The following NCAPH2 variants were observed in gnomAD, a reference collection of about 807,000 sequenced individuals.
The protein encoded by NCAPH2 is condensin-2 complex subunit H2.
In NCAPH2, 56 loss-of-function variants were observed where a neutral mutation model predicts 88.6. The ratio of observed to expected loss-of-function variants is 0.63; its 90% CI spans 0.51 to 0.79. NCAPH2 has a LOEUF of 0.79. NCAPH2 is among the 30% of genes least tolerant of loss of function. The probability of loss-of-function intolerance (pLI) is 0.00; values close to 1 mark genes in which losing one functional copy is unlikely to be tolerated. For missense variants in NCAPH2, 794 were observed against 792.0 expected (o/e 1.00, Z -0.03); for synonymous variants, 378 against 313.6 (o/e 1.21, Z -2.17).
In NCAPH2 at chr22:50,508,310, T is replaced by G; in HGVS notation, c.-28T>G. The G allele has an allele frequency of 6.8e-7, 1 of 1,463,206 alleles. No individual in the cohort carries two copies. The highest frequency in any genetic ancestry group is 3.0e-5 in the East Asian group (1 of 33,312). 90.6% of individuals were successfully genotyped at this position (1,463,206 alleles called of 1,614,324 possible). ...TACCCCTCGGAAGGCAGCCCTGCGG[T>G]CCCTTTGCCGCCCGTTCCCTCCCGG... On this transcript the variant is annotated 5_prime_UTR_variant, in exon 1 of 20. Coordinates refer to ENST00000420993, the MANE Select transcript of NCAPH2 (RefSeq NM_152299.4).
rs1163204872 is a variant in NCAPH2 at position 50,522,521 on chromosome 22, G to A, written c.1327G>A (p.Glu443Lys). 6.2e-7 allele frequency: 1 copy of A among 1,613,812 alleles called. No individual in the cohort carries two copies. The highest frequency in any genetic ancestry group is 2.2e-5 in the East Asian group (1 of 44,878). ...GAADDFLEPE[E>K]YMEPEGADPR... Reference sequence around the variant, plus strand: ...AGCAGATGACTTTCTAGAGCCTGAGGAGTACATGGAGCCCGAGGGAGCAGA... The same window carrying A: ...AGCAGATGACTTTCTAGAGCCTGAGAAGTACATGGAGCCCGAGGGAGCAGA... Residue 443 changes from glutamate (E) to lysine (K), a missense_variant, in exon 16 of 20, where the codon GAG becomes AAG. Around this residue, in one of 2 missense-constraint regions of NCAPH2, gnomAD observed 735 missense variants for 696.3 expected, o/e 1.06. Coordinates refer to ENST00000420993, the MANE Select transcript of NCAPH2 (RefSeq NM_152299.4).
chr22:50,508,644 G>C (rs557842506), intron 1 of NCAPH2, among the ~76,000 whole-genome samples, 199 bp downstream of exon 1: 1 of 152,234 alleles, frequency 6.6e-6, no homozygotes, highest in Non-Finnish European at 1.5e-5. Context: ...TTGGATTAGC[G>C]TGGACCTGTC....
At chr22:50,519,441 G>A in intron 9 of NCAPH2, 121 bp downstream of exon 9, 1 of 1,468,780 alleles carries the variant, frequency 6.8e-7, no homozygotes, top group East Asian at 2.5e-5. Context: ...CACTGGTCTG[G>A]GGCAGAAGCC....
At chr22:50,510,001 T>C (rs1311650567) in intron 1 of NCAPH2, among the ~76,000 whole-genome samples, 1 of 152,234 alleles carries the variant, frequency 6.6e-6, no homozygotes, top group South Asian at 2.1e-4. Flanking sequence ...CTGAGCTCAC[T>C]GCAAGCTCCG....
chr22:50,512,005 C>T (rs2068797557), intron 1 of NCAPH2, among the ~76,000 whole-genome samples: 1 of 152,170 alleles, frequency 6.6e-6, no homozygotes, highest in Non-Finnish European at 1.5e-5. Flanking sequence ...CCAGGCTGGT[C>T]TTGAACTCTT....
At position 50,524,083 on chromosome 22, in the gene NCAPH2, C is replaced by T; in HGVS notation, c.*708C>T. On this transcript the variant is annotated 3_prime_UTR_variant, in exon 20 of 20. Transcript: ENST00000420993. ...GTCAGCCTTGCAGCGAGCCCGGCCTCTGTGATCCAGCAGGTGGAAGTCGCC... is the reference window on the plus strand; with the variant it reads ...GTCAGCCTTGCAGCGAGCCCGGCCTTTGTGATCCAGCAGGTGGAAGTCGCC... 1 of 1,613,210 alleles carries T rather than the reference C, an allele frequency of 6.2e-7. No homozygotes were observed. Among genetic ancestry groups the T allele is most frequent in the Non-Finnish European group, 8.5e-7 (1 of 1,180,014 alleles).
rs2069152104 is a variant in NCAPH2 at position 50,522,817 on chromosome 22, C to T, written c.1426-4C>T. 4 of 1,612,712 alleles carry T rather than the reference C, an allele frequency of 2.5e-6. No homozygotes were observed. The highest frequency in any genetic ancestry group is 3.3e-5 in the Admixed American group (2 of 59,968). Reference sequence around the variant, plus strand: ...GGCAGTAGCTCCTGCTGATCCTCCCCTAGGAGCTCTTCATCGCCACCTCCC... The same window carrying T: ...GGCAGTAGCTCCTGCTGATCCTCCCTTAGGAGCTCTTCATCGCCACCTCCC... On this transcript the variant is annotated splice_region_variant and splice_polypyrimidine_tract_variant and intron_variant, in intron 17 of 19. Transcript: ENST00000420993.
Position 50,522,186 on chromosome 22 carries a change from G to A in NCAPH2, c.1168G>A (p.Glu390Lys). 1 of 1,613,492 alleles carries A rather than the reference G, an allele frequency of 6.2e-7. No homozygotes were observed. Among genetic ancestry groups the A allele is most frequent in the Non-Finnish European group, 8.5e-7 (1 of 1,179,732 alleles). Reference protein sequence around the residue: ...RRKGPSFADMEVLYWTHVKEQ... With the variant: ...RRKGPSFADMKVLYWTHVKEQ... Reference sequence around the variant, plus strand: ...CACAAGGCCTTTGTCTGCAGACATGGAGGTCCTGTACTGGACACACGTGAA... The same window carrying A: ...CACAAGGCCTTTGTCTGCAGACATGAAGGTCCTGTACTGGACACACGTGAA... Residue 390 changes from glutamate (E) to lysine (K), a missense_variant, in exon 14 of 20, where the codon GAG becomes AAG. Transcript: ENST00000420993.
Position 50,523,393 on chromosome 22 carries a change from A to G in NCAPH2, c.*18A>G, listed in dbSNP as rs1476252082. 1.3e-6 allele frequency: 2 copies of G among 1,534,710 alleles called. No homozygotes were observed. Among genetic ancestry groups the G allele is most frequent in the Non-Finnish European group, 8.8e-7 (1 of 1,139,330 alleles). On this transcript the variant is annotated 3_prime_UTR_variant, in exon 20 of 20. Coordinates refer to ENST00000420993, the MANE Select transcript of NCAPH2 (RefSeq NM_152299.4). ...AGCCCTGAGTGGGGAGCACCGAGGC[A>G]GGGGTGGGGGAATGTGTACTGAGGA...
intron 9 of NCAPH2, chr22:50,519,642 G>A: frequency 1.7e-6 from 2 of 1,182,020 alleles, no homozygotes; most frequent in Non-Finnish European, 2.1e-6. Flanking sequence ...GGGCTGGTAG[G>A]AGGGAGTGTC....
At chr22:50,509,883 C>T (rs985757106) in intron 1 of NCAPH2, among the ~76,000 whole-genome samples, 4 of 151,858 alleles carry the variant, frequency 2.6e-5, no homozygotes, top group Non-Finnish European at 4.4e-5. Flanking sequence ...GGTGGAAGAT[C>T]TTCATGCTTT....
At chr22:50,517,518 T>C (rs1424006920) in intron 3 of NCAPH2, 36 bp downstream of exon 3, 2 of 1,614,006 alleles carry the variant, frequency 1.2e-6, no homozygotes, top group Admixed American at 1.7e-5. Context: ...CTGCCCTGCA[T>C]GTGGCCAGGG....
Position 50,524,498 on chromosome 22 carries a change from A to C in NCAPH2, c.*1123A>C. ...GTGCCTGGGCTGCCCCTGCGACTTG[A>C]GACCAGCCACCCATCTGAAGGACCC... On this transcript the variant is annotated 3_prime_UTR_variant, in exon 20 of 20. Transcript: ENST00000420993. The C allele has an allele frequency of 7.2e-7, 1 of 1,395,742 alleles. No individual in the cohort carries two copies. The highest frequency in any genetic ancestry group is 2.4e-5 in the East Asian group (1 of 41,024). The allele number at this position is 1,395,742 out of a possible 1,614,324, so 86.5% of individuals were successfully genotyped here. A position where few individuals can be genotyped will look rare whatever the true frequency, so the allele number is the denominator to read the frequency against.
intron 1 of NCAPH2, among the ~76,000 whole-genome samples, chr22:50,509,352 C>A (rs932868689): frequency 6.6e-6 from 1 of 152,170 alleles, no homozygotes. Context: ...ACGCAAACAT[C>A]TCATTTAACA....
In NCAPH2 at chr22:50,508,352, G is replaced by C. The variant is rs747888654; in HGVS notation, c.15G>C (p.Glu5Asp). Residue 5 changes from glutamate (E) to aspartate (D), a missense_variant, in exon 1 of 20, where the codon GAG (glutamate) becomes GAC (aspartate). This residue lies in a region of NCAPH2 where 59 missense variants were observed against 95.7 expected (regional missense o/e 0.62). Coordinates refer to ENST00000420993, the MANE Select transcript of NCAPH2 (RefSeq NM_152299.4). The part of the protein sequence containing the change: MEDV[E>D]ARFAHLLQPI... ...CCCTCCCGGACATGGAGGACGTGGA[G>C]GCGCGCTTCGCCCACCTCTTGCAGC... 6.5e-5 allele frequency: 97 copies of C among 1,483,562 alleles called. No individual in the cohort carries two copies. The highest frequency in any genetic ancestry group is 8.4e-5 in the Non-Finnish European group (94 of 1,121,004). The allele number at this position is 1,483,562 out of a possible 1,614,324, so 91.9% of individuals were successfully genotyped here.
rs537589646 is a variant in NCAPH2, at chr22:50,515,687, C to T, written c.109-760C>T. ...CTGGGATTACAGGTGTGAGCCACCG[C>T]ACCCGGCCTTTTTTTTTTTTTTTTT... On this transcript the variant is annotated intron_variant, in intron 1 of 19. Transcript: ENST00000420993. 168 of 1,239,336 alleles carry T rather than the reference C, an allele frequency of 1.4e-4. 1 individual carries two copies. In the South Asian group the frequency reaches 1.8e-3, roughly 13 times the overall value. The allele number at this position is 1,239,336 out of a possible 1,614,324, so 76.8% of individuals were successfully genotyped here.
chr22:50,519,454 C>G, intron 9 of NCAPH2, 134 bp downstream of exon 9: 1 of 1,457,620 alleles, frequency 6.9e-7, no homozygotes. Context: ...CAGAAGCCCA[C>G]CTGTCTTGCA....
chr22:50,522,702 G>A lies in NCAPH2; in HGVS notation c.1407G>A (p.Glu469=). 2 of 1,613,730 alleles carry A rather than the reference G, an allele frequency of 1.2e-6. No homozygotes were observed. Among genetic ancestry groups the A allele is most frequent in the South Asian group, 1.1e-5 (1 of 91,084 alleles). The change falls in exon 17 of 20, where the codon GAG becomes GAA. Residue 469 remains glutamate (E), a synonymous_variant. Transcript: ENST00000420993. ...TGCCGATGTCCCTGAGCTACGAGGA[G>A]CTGGTTCGAAGGAATGTGGTAGGCC... ...DAVPMSLSYE[E]LVRRNVELFI... is the part of the protein sequence containing the mutation.
Position 50,522,362 on chromosome 22 carries a change from G to T in NCAPH2, c.1253G>T (p.Arg418Leu). Residue 418 changes from arginine (R) to leucine (L), a missense_variant, in exon 15 of 20, where the codon CGG becomes CTG. Around this residue, in one of 2 missense-constraint regions of NCAPH2, gnomAD observed 735 missense variants for 696.3 expected, o/e 1.06. Coordinates refer to ENST00000420993, the MANE Select transcript of NCAPH2 (RefSeq NM_152299.4). ...QRREVAEQWLRPAEEDHLEDS... is the reference protein window; with the variant it reads ...QRREVAEQWLLPAEEDHLEDS... ...GGACAGGTGGCTGAGCAGTGGCTGC[G>T]GCCTGCAGAGGAGGACCACCTGGAG... The T allele has an allele frequency of 6.2e-7, 1 of 1,606,542 alleles. No individual in the cohort carries two copies. The highest frequency in any genetic ancestry group is 8.5e-7 in the Non-Finnish European group (1 of 1,175,838).
Sources: gnomAD v4.1 joint callset for allele counts (sites outside exome capture counted in the v4.1 genomes callset) on GRCh38, gnomAD v4.1.1 for gene constraint, gnomAD v4.1.1 regional missense constraint, MANE v1.5 for transcripts, NCBI Gene and HGNC (gene_info 2026-07-23, HGNC 2026-07-21) for gene names.